The following MBIP variants were observed in gnomAD, a reference collection of about 807,000 sequenced individuals.
MBIP encodes MAP3K12 binding inhibitory protein 1, also known as MAP3K12-binding inhibitory protein 1.
In MBIP, 32 loss-of-function variants were observed where a neutral mutation model predicts 45.7. The ratio of observed to expected loss-of-function variants is 0.70; its 90% confidence interval spans 0.53 to 0.94. The LOEUF (loss-of-function observed/expected upper bound fraction) is 0.94, where lower values mean the gene tolerates loss of function less well. Among genes scored for constraint, MBIP ranks in the 40% least tolerant of loss-of-function variants. The pLI, the probability that MBIP is intolerant of heterozygous loss-of-function variation, is 0.00. For missense variants in MBIP, 381 were observed against 405.5 expected (o/e 0.94, Z 0.52); for synonymous variants, 145 against 141.0 (o/e 1.03, Z -0.20).
intron 6 of MBIP, among the ~76,000 whole-genome samples, chr14:36,309,060 G>A (rs1426058997): frequency 1.3e-5 from 2 of 152,126 alleles, no homozygotes; most frequent in Non-Finnish European, 2.9e-5. Flanking sequence ...ATGCCCACAT[G>A]GTTCCAGCCA....
At chr14:36,310,374 T>C (rs1046896075) in intron 6 of MBIP, among the ~76,000 whole-genome samples, 1 of 152,230 alleles carries the variant, frequency 6.6e-6, no homozygotes, top group African/African-American at 2.4e-5. Context: ...CTTTTTGGAA[T>C]GCTTTGCTCT....
Position 36,318,486 on chromosome 14 carries a change from C to T in MBIP, c.130-1674G>A, listed in dbSNP as rs180881230. The stretch of plus-strand genomic sequence containing the variant: ...TAATATGAACTCTATGCATTTTGCC[C>T]TACAGAACTTGGAAGAGTAAACCAC... On this transcript the variant is annotated intron_variant, in intron 1 of 8. Transcript: ENST00000416007. Among the ~76,000 whole-genome samples, 3 of 151,904 alleles carry T rather than the reference C, an allele frequency of 2.0e-5. No individual in the cohort carries two copies. The East Asian group carries it at 5.8e-4, about 29-fold the overall frequency.
chr14:36,310,987 A>G (rs559023545), intron 6 of MBIP, among the ~76,000 whole-genome samples: 5 of 152,196 alleles, frequency 3.3e-5, no homozygotes, highest in Admixed American at 3.3e-4. Flanking sequence ...TGGCAAAGAA[A>G]CCAGTAAATA....
In MBIP at chr14:36,314,789, C is replaced by G. The variant is rs549054515; in HGVS notation, c.376G>C (p.Glu126Gln). The change falls in exon 3 of 9, where the codon GAG becomes CAG. Residue 126 changes from glutamate to glutamine, a missense_variant. Coordinates refer to ENST00000416007, the MANE Select transcript of MBIP (RefSeq NM_016586.3). ...NDKFSIGDLQ[E>Q]EEKHKESDLR... ...TCACTTTCTTTGTGCTTTTCTTCCT[C>G]TTGTAGGTCGCCAATGGAAAATTTG... 6 of 1,613,590 alleles carry G rather than the reference C, an allele frequency of 3.7e-6. No individual in the cohort carries two copies. In the East Asian group the frequency reaches 1.3e-4, roughly 36 times the overall value.
At chr14:36,306,084 G>A (rs1199536124) in intron 7 of MBIP, among the ~76,000 whole-genome samples, 1 of 152,080 alleles carries the variant, frequency 6.6e-6, no homozygotes, top group Non-Finnish European at 1.5e-5. Context: ...GATTCCCCCT[G>A]CTGCCTGCCT....
Position 36,300,894 on chromosome 14 carries a change from T to A in MBIP, c.889-71A>T, listed in dbSNP as rs986184232. 19 of 945,994 alleles carry A rather than the reference T, an allele frequency of 2.0e-5. No homozygotes were observed. In the African/African-American group the frequency reaches 3.1e-4, roughly 15 times the overall value. 58.6% of individuals were successfully genotyped at this position (945,994 alleles called of 1,614,324 possible). A position where few individuals can be genotyped will look rare whatever the true frequency, so the allele number is the denominator to read the frequency against. On this transcript the variant is annotated intron_variant, in intron 7 of 8. Coordinates refer to ENST00000416007, the MANE Select transcript of MBIP (RefSeq NM_016586.3). ...ATTTTTTTTTCTTTATAAAATACTG[T>A]ACAAATTATGTACAGCCTTGGGAAC... is the stretch of plus-strand genomic sequence containing the variant.
At chr14:36,299,585 A>C (rs930625197) in intron 8 of MBIP, among the ~76,000 whole-genome samples, 8 of 151,976 alleles carry the variant, frequency 5.3e-5, no homozygotes, top group Non-Finnish European at 1.2e-4. Context: ...TTATCTGTAC[A>C]CCAAACCCCC....
rs1487543501 is a variant in MBIP, at chr14:36,311,606, G to T, written c.757C>A (p.Gln253Lys). The part of the protein sequence containing the change: ...CGNQAVEERL[Q>K]NIEAHLRLQT... ...AACCGCAAGTGGGCCTCAATATTTTGTAGTCGTTCTTCTACAGCCTGATTA... is the reference window on the plus strand; with the variant it reads ...AACCGCAAGTGGGCCTCAATATTTTTTAGTCGTTCTTCTACAGCCTGATTA... Residue 253 changes from glutamine to lysine, a missense_variant, in exon 6 of 9, where the codon CAA (glutamine) becomes AAA (lysine). Coordinates refer to ENST00000416007, the MANE Select transcript of MBIP (RefSeq NM_016586.3). 2.5e-6 allele frequency: 4 copies of T among 1,612,768 alleles called. No individual in the cohort carries two copies. Among genetic ancestry groups the T allele is most frequent in the Non-Finnish European group, 2.5e-6 (3 of 1,179,150 alleles).
chr14:36,320,194 C>CCT (rs1393983431), intron 1 of MBIP, among the ~76,000 whole-genome samples: 1 of 152,156 alleles, frequency 6.6e-6, no homozygotes, highest in African/African-American at 2.4e-5. Context: ...TCCAAGCCTG[C>CCT]CTCTCTCGGA....
rs558045581 is a variant in MBIP, at chr14:36,301,092, G to A, written c.889-269C>T. On this transcript the variant is annotated intron_variant, in intron 7 of 8. Coordinates refer to ENST00000416007, the MANE Select transcript of MBIP (RefSeq NM_016586.3). ...ATACATATTTTCCCATCAACTACCC[G>A]CTGCTAATGAGCCTGAGTGATTTCG... The A allele has an allele frequency of 4.1e-5, 10 of 242,996 alleles. No homozygotes were observed. The South Asian group carries it at 1.3e-3, about 32-fold the overall frequency. 15.1% of individuals were successfully genotyped at this position (242,996 alleles called of 1,614,324 possible). A position where few individuals can be genotyped will look rare whatever the true frequency, so the allele number is the denominator to read the frequency against.
intron 1 of MBIP, among the ~76,000 whole-genome samples, chr14:36,318,579 T>G (rs1880709876): frequency 6.6e-6 from 1 of 151,950 alleles, no homozygotes; most frequent in Admixed American, 6.5e-5. Context: ...CAGTAAAAAC[T>G]TTACTAAATT....
At chr14:36,301,209 G>A (rs1879527988) in intron 7 of MBIP, among the ~76,000 whole-genome samples, 1 of 152,066 alleles carries the variant, frequency 6.6e-6, no homozygotes, top group Non-Finnish European at 1.5e-5. Context: ...ACAGACAAAG[G>A]AAAAACGGAA....
chr14:36,316,712 T>C lies in MBIP; in HGVS notation c.230A>G (p.Gln77Arg), dbSNP rs765027609. ...QPALLFSALE[Q>R]HILYLQPFLA... ...ATTTACCTGTAAATATAAAATGTGT[T>C]GTTCAAGTGCACTAAAGAGCAATGC... is the stretch of plus-strand genomic sequence containing the variant. The change falls in exon 2 of 9, where the codon CAA (glutamine) becomes CGA (arginine). Residue 77 changes from glutamine to arginine, a missense_variant. Physicochemically the swap from Gln to Arg is conservative, Grantham distance 43. Coordinates refer to ENST00000416007, the MANE Select transcript of MBIP (RefSeq NM_016586.3). The C allele has an allele frequency of 6.2e-7, 1 of 1,606,470 alleles. No homozygotes were observed. Among genetic ancestry groups the C allele is most frequent in the Non-Finnish European group, 8.5e-7 (1 of 1,177,170 alleles).
rs1021863433 is a variant in MBIP at position 36,312,169 on chromosome 14, A to G, written c.572-145T>C. On this transcript the variant is annotated intron_variant, in intron 4 of 8. Transcript: ENST00000416007. ...TAGTAACAATAAATTACTATCACAC[A>G]TAGGATAGAATTTAGTGACCTTCTT... is the stretch of plus-strand genomic sequence containing the variant. 14 of 435,554 alleles carry G rather than the reference A, an allele frequency of 3.2e-5. No individual in the cohort carries two copies. In the East Asian group the frequency reaches 5.0e-4, roughly 15 times the overall value. 27.0% of individuals were successfully genotyped at this position (435,554 alleles called of 1,614,324 possible). A position where few individuals can be genotyped will look rare whatever the true frequency, so the allele number is the denominator to read the frequency against.
chr14:36,320,582 C>G lies in MBIP; in HGVS notation c.7G>C (p.Ala3Pro). Reference protein sequence around the residue: MAAATELNRPSSG... With the variant: MAPATELNRPSSG... ...CTCGGGCGATTAAGCTCCGTGGCAG[C>G]AGCCATGATATCTTCTCAGGCCGCC... The change falls in exon 1 of 9, where the codon GCT (alanine) becomes CCT (proline). Residue 3 changes from alanine (A) to proline (P), a missense_variant. Physicochemically the swap from Ala to Pro is conservative, Grantham distance 27 (BLOSUM62 -1). Coordinates refer to ENST00000416007, the MANE Select transcript of MBIP (RefSeq NM_016586.3). 1 of 1,608,910 alleles carries G rather than the reference C, an allele frequency of 6.2e-7. No individual in the cohort carries two copies. Among genetic ancestry groups the G allele is most frequent in the Non-Finnish European group, 8.5e-7 (1 of 1,177,266 alleles).
At chr14:36,300,174 A>G (rs1879454247) in intron 8 of MBIP, among the ~76,000 whole-genome samples, 1 of 152,234 alleles carries the variant, frequency 6.6e-6, no homozygotes, top group South Asian at 2.1e-4. Flanking sequence ...AACTTTAAAA[A>G]TAGCTGCTTA....
chr14:36,305,662 C>A (rs1383010201), intron 7 of MBIP, among the ~76,000 whole-genome samples: 1 of 152,188 alleles, frequency 6.6e-6, no homozygotes, highest in Non-Finnish European at 1.5e-5. Flanking sequence ...CACAGACTCT[C>A]CCAATTGTCC....
chr14:36,320,586 CATG>C lies in MBIP; in HGVS notation c.-1_2del, dbSNP rs1406536999. On this transcript the variant is annotated start_lost and start_retained_variant and 5_prime_UTR_variant, in exon 1 of 9. Transcript: ENST00000416007. ...GGCGATTAAGCTCCGTGGCAGCAGC[CATG>C]ATATCTTCTCAGGCCGCCCCACCAC... The C allele has an allele frequency of 4.4e-6, 7 of 1,607,282 alleles. No homozygotes were observed. The highest frequency in any genetic ancestry group is 6.0e-6 in the Non-Finnish European group (7 of 1,176,240).
At chr14:36,299,328 T>C in intron 8 of MBIP, 138 bp from the exon 9 acceptor site, 1 of 604,374 alleles carries the variant, frequency 1.7e-6, no homozygotes, top group Non-Finnish European at 2.9e-6. Context: ...AGAATAATCT[T>C]AAAACTGAGC....
Sources: gnomAD v4.1 joint callset for allele counts (sites outside exome capture counted in the v4.1 genomes callset) on GRCh38, gnomAD v4.1.1 for gene constraint, MANE v1.5 for transcripts, NCBI Gene and HGNC (gene_info 2026-07-23, HGNC 2026-07-21) for gene names.